Variants in SCFD2 observed in about 807,000 individuals in gnomAD.
SCFD2 encodes the protein sec1 family domain containing 2, also known as sec1 family domain-containing protein 2.
A neutral mutation model predicts 58.9 loss-of-function variants in SCFD2; 54 were observed. That is an observed-to-expected ratio of 0.92 (90% confidence interval 0.74 to 1.15). The LOEUF is 1.15. Among genes scored for constraint, SCFD2 ranks in the 50% most tolerant of loss-of-function variants. The pLI is 0.00. For missense variants in SCFD2, 805 were observed against 836.6 expected (o/e 0.96, Z 0.47); for synonymous variants, 321 against 335.9 (o/e 0.96, Z 0.49).
chr4:53,280,205 A>G (rs1731466513), intron 3 of SCFD2, among the ~76,000 whole-genome samples: 1 of 152,304 alleles, frequency 6.6e-6, no homozygotes, highest in Admixed American at 6.5e-5. Flanking sequence ...GATGGGAAAG[A>G]GCAACCATCA....
chr4:53,188,755 C>G (rs1727809792), intron 4 of SCFD2, among the ~76,000 whole-genome samples: 1 of 152,112 alleles, frequency 6.6e-6, no homozygotes, highest in South Asian at 2.1e-4. Context: ...TTAATTCCAT[C>G]TAGTAAGATA....
intron 5 of SCFD2, among the ~76,000 whole-genome samples, chr4:53,084,424 A>T: frequency 6.6e-6 from 1 of 152,034 alleles, no homozygotes; most frequent in East Asian, 1.9e-4. Flanking sequence ...GTTCTTTTTC[A>T]GGGTGCACTG....
At chr4:52,882,218 G>C (rs538662814) in intron 8 of SCFD2, among the ~76,000 whole-genome samples, 1 of 152,270 alleles carries the variant, frequency 6.6e-6, no homozygotes, top group Non-Finnish European at 1.5e-5. Context: ...TTGGAGAAGA[G>C]AAGACCTGGG....
chr4:53,305,599 AT>A (rs1020143648), intron 3 of SCFD2, among the ~76,000 whole-genome samples: 6 of 152,182 alleles, frequency 3.9e-5, no homozygotes, highest in African/African-American at 1.4e-4. Context: ...AAATATAGTT[AT>A]TTTTTGTAAA....
intron 3 of SCFD2, among the ~76,000 whole-genome samples, chr4:53,295,999 G>C (rs376088220): frequency 2.0e-4 from 31 of 152,172 alleles, no homozygotes; most frequent in Non-Finnish European, 4.1e-4. Context: ...GCTTGATCAT[G>C]GTGGATAAGC....
intron 4 of SCFD2, among the ~76,000 whole-genome samples, chr4:53,256,334 G>A (rs1244490937): frequency 4.0e-5 from 6 of 151,094 alleles, no homozygotes; most frequent in Admixed American, 6.6e-5. Flanking sequence ...ATGGGCAGCC[G>A]GGCAGAGACG....
chr4:53,315,663 A>G (rs1260869645), intron 2 of SCFD2, among the ~76,000 whole-genome samples: 1 of 152,190 alleles, frequency 6.6e-6, no homozygotes, highest in African/African-American at 2.4e-5. Context: ...AAGAATTCTG[A>G]GCATGGGAGT....
chr4:52,911,687 G>T (rs532098007), intron 6 of SCFD2, among the ~76,000 whole-genome samples: 2 of 152,148 alleles, frequency 1.3e-5, no homozygotes, highest in South Asian at 2.1e-4. Context: ...TTTTTTGGTT[G>T]CATTCTCTCT....
At chr4:53,151,262 G>C (rs1353407845) in intron 4 of SCFD2, among the ~76,000 whole-genome samples, 1 of 152,160 alleles carries the variant, frequency 6.6e-6, no homozygotes, top group African/African-American at 2.4e-5. Flanking sequence ...AACCAAATCT[G>C]AGACCAAAAG....
chr4:52,926,415 C>T (rs1320914318), intron 5 of SCFD2, among the ~76,000 whole-genome samples: 1 of 152,064 alleles, frequency 6.6e-6, no homozygotes, highest in African/African-American at 2.4e-5. Context: ...CGCGTGCGCA[C>T]CTGTACACAT....
intron 5 of SCFD2, among the ~76,000 whole-genome samples, chr4:52,954,970 C>T (rs1720677497): frequency 6.6e-6 from 1 of 152,188 alleles, no homozygotes; most frequent in Non-Finnish European, 1.5e-5. Context: ...AGAACCTCCA[C>T]CCACCCCTCC....
chr4:53,014,846 T>G (rs756213520), intron 5 of SCFD2, among the ~76,000 whole-genome samples: 1 of 152,236 alleles, frequency 6.6e-6, no homozygotes, highest in Non-Finnish European at 1.5e-5. Context: ...CATAGCTTGC[T>G]TTGGTACAGA....
At chr4:52,938,842 G>T (rs1449887320) in intron 5 of SCFD2, among the ~76,000 whole-genome samples, 2 of 152,058 alleles carry the variant, frequency 1.3e-5, no homozygotes, top group South Asian at 2.1e-4. Context: ...ACTCGTCATC[G>T]GTGTTCAGCA....
At chr4:52,915,900 C>G (rs1719590917) in intron 6 of SCFD2, among the ~76,000 whole-genome samples, 1 of 152,176 alleles carries the variant, frequency 6.6e-6, no homozygotes, top group Non-Finnish European at 1.5e-5. Flanking sequence ...GCACTGTTGA[C>G]AAAAGAGGCC....
chr4:53,024,188 A>T (rs1384696), intron 5 of SCFD2, among the ~76,000 whole-genome samples: 26,098 of 152,042 alleles, frequency 0.17, 4,253 homozygotes, highest in African/African-American at 0.43. Context: ...AAACCTGAAG[A>T]CTTGAAGATT....
At chr4:53,203,003 T>C (rs1385789639) in intron 4 of SCFD2, among the ~76,000 whole-genome samples, 2 of 152,230 alleles carry the variant, frequency 1.3e-5, no homozygotes, top group East Asian at 1.9e-4. Context: ...CTTTTCCTAA[T>C]TGAATGCCCT....
At position 52,980,498 on chromosome 4, in the gene SCFD2, A is replaced by T. The variant is rs192773461; in HGVS notation, c.1562-59628T>A. Among the ~76,000 whole-genome samples the T allele has an allele frequency of 4.3e-3, 650 of 152,292 alleles. 4 individuals are homozygous for T. Among genetic ancestry groups the T allele is most frequent in the Non-Finnish European group, 6.4e-3 (433 of 68,024 alleles). ...GAGTTAGATCATGTAAAGTGGTTTT[A>T]GTGAGGCCCCCAAGTTAGCTCATGT... On this transcript the variant is annotated intron_variant, in intron 5 of 8. Transcript: ENST00000401642.
intron 4 of SCFD2, among the ~76,000 whole-genome samples, chr4:53,213,923 G>C (rs1728712521): frequency 6.6e-6 from 1 of 151,958 alleles, no homozygotes; most frequent in Admixed American, 6.6e-5. Flanking sequence ...TTTTGTCCTT[G>C]CGATAGTTTG....
At chr4:53,234,635 G>A (rs560814490) in intron 4 of SCFD2, among the ~76,000 whole-genome samples, 1 of 152,118 alleles carries the variant, frequency 6.6e-6, no homozygotes, top group South Asian at 2.1e-4. Context: ...AAAAATTTAG[G>A]TTTGCACCAA....
Sources: allele counts gnomAD v4.1 joint callset (sites outside exome capture counted in the v4.1 genomes callset), GRCh38; gene constraint gnomAD v4.1.1; transcripts MANE v1.5; gene names NCBI Gene and HGNC (gene_info 2026-07-23, HGNC 2026-07-21).